CSMD1: variants seen among roughly 807,000 people sequenced by gnomAD.
The protein encoded by CSMD1 is CUB and Sushi multiple domains 1.
CSMD1 carries 213 observed loss-of-function variants against 417.5 expected under a neutral mutation model. The ratio of observed to expected loss-of-function variants is 0.51; its 90% CI spans 0.46 to 0.57. The LOEUF (loss-of-function observed/expected upper bound fraction) is 0.57, where lower values mean the gene tolerates loss of function less well. Ranked by LOEUF, CSMD1 falls within the 20% of genes least tolerant of loss-of-function variation. The pLI is 0.00. For synonymous variants in CSMD1, 2,862 were observed against 1,736.8 expected (o/e 1.65, Z -16.11); for missense variants, 6,923 against 4,529.7 (o/e 1.53, Z -15.17).
chr8:3,840,343 T>C (rs1339745915), intron 5 of CSMD1, among the ~76,000 whole-genome samples: 2 of 152,114 alleles, frequency 1.3e-5, no homozygotes, highest in Admixed American at 6.6e-5. Flanking sequence ...AACAGAAATA[T>C]CCTTGAAAAC....
chr8:4,972,230 AAG>A (rs1342167179), intron 1 of CSMD1, among the ~76,000 whole-genome samples: 5 of 152,054 alleles, frequency 3.3e-5, no homozygotes, highest in Admixed American at 6.6e-5. Flanking sequence ...TGTGTCCTGT[AAG>A]AGTCACAAAA....
chr8:3,548,998 T>C, intron 10 of CSMD1, among the ~76,000 whole-genome samples: 1 of 151,938 alleles, frequency 6.6e-6, no homozygotes, highest in East Asian at 1.9e-4. Flanking sequence ...TATACCTGGG[T>C]TTCCTCACCC....
intron 2 of CSMD1, among the ~76,000 whole-genome samples, chr8:4,445,085 G>A (rs1218297336): frequency 6.6e-6 from 1 of 152,124 alleles, no homozygotes; most frequent in Non-Finnish European, 1.5e-5. Flanking sequence ...TGTTTAACAT[G>A]TTACTTCTCT....
intron 3 of CSMD1, among the ~76,000 whole-genome samples, chr8:4,060,331 G>A (rs938629432): frequency 1.6e-4 from 25 of 152,264 alleles, no homozygotes; most frequent in South Asian, 2.1e-4. Flanking sequence ...ACCCACAGCC[G>A]ATATCATACT....
chr8:4,468,477 A>G (rs1161948114), intron 2 of CSMD1, among the ~76,000 whole-genome samples: 2 of 152,188 alleles, frequency 1.3e-5, no homozygotes, highest in African/African-American at 2.4e-5. Flanking sequence ...CTCTTGATAT[A>G]CCAACTCATT....
chr8:4,161,846 T>A (rs1397224210), intron 3 of CSMD1, among the ~76,000 whole-genome samples: 1 of 152,230 alleles, frequency 6.6e-6, no homozygotes, highest in Non-Finnish European at 1.5e-5. Flanking sequence ...CTGCATTTTT[T>A]TCTTTGCCAT....
chr8:4,739,777 T>G (rs1363357817), intron 1 of CSMD1, among the ~76,000 whole-genome samples: 1 of 152,150 alleles, frequency 6.6e-6, no homozygotes, highest in Admixed American at 6.5e-5. Context: ...AGTCCCTCTC[T>G]TTGGAGTCCT....
rs1175924004 is a variant in CSMD1 at position 3,616,719 on chromosome 8, G to C, written c.1088C>G (p.Ser363Cys). Residue 363 changes from serine to cysteine, a missense_variant, in exon 8 of 70, where the codon TCC (serine) becomes TGC (cysteine). Physicochemically the swap from Ser to Cys is moderately radical, Grantham distance 112. Coordinates refer to ENST00000635120, the MANE Select transcript of CSMD1 (RefSeq NM_033225.6). ...GIPENGRRAG[S>C]DFRVGANVQF... is the part of the protein sequence containing the mutation. ...CTATTGTATCTCTTACCTGAAGTCG[G>C]AACCTGCTCTTCTACCATTTTCTGG... 1.2e-6 allele frequency: 2 copies of C among 1,608,898 alleles called. No individual in the cohort carries two copies. Among genetic ancestry groups the C allele is most frequent in the Admixed American group, 1.7e-5 (1 of 59,860 alleles).
intron 5 of CSMD1, among the ~76,000 whole-genome samples, chr8:3,856,264 C>G (rs1004156829): frequency 1.3e-5 from 2 of 152,050 alleles, no homozygotes; most frequent in African/African-American, 4.8e-5. Flanking sequence ...CTACTTGGCC[C>G]ATGTAAGACA....
At chr8:3,621,626 T>C (rs993504195) in intron 7 of CSMD1, among the ~76,000 whole-genome samples, 44 of 152,074 alleles carry the variant, frequency 2.9e-4, no homozygotes, top group African/African-American at 8.5e-4. Context: ...AGAATCTTGT[T>C]CTGTTGCCCA....
At position 3,493,765 on chromosome 8, in the gene CSMD1, G is replaced by C. The variant is rs75475417; in HGVS notation, c.1345-39C>G. The C allele has an allele frequency of 1.9e-5, 29 of 1,534,404 alleles. No homozygotes were observed. In the South Asian group the frequency reaches 2.5e-4, roughly 13 times the overall value. On this transcript the variant is annotated intron_variant, in intron 10 of 69. Coordinates refer to ENST00000635120, the MANE Select transcript of CSMD1 (RefSeq NM_033225.6). The stretch of plus-strand genomic sequence containing the variant: ...ACGAAACAGTGACTTAGAACAACAG[G>C]TACTTCCCATGACTTTTAATAGGTA...
At chr8:2,957,645 A>G in intron 63 of CSMD1, 51 bp downstream of exon 63, 2 of 1,153,386 alleles carry the variant, frequency 1.7e-6, no homozygotes, top group Non-Finnish European at 2.5e-6. Flanking sequence ...CGTCTCAGAC[A>G]TTCACAATAA....
At chr8:3,638,728 TG>T (rs1797165200) in intron 7 of CSMD1, among the ~76,000 whole-genome samples, 1 of 152,152 alleles carries the variant, frequency 6.6e-6, no homozygotes, top group Non-Finnish European at 1.5e-5. Context: ...GAATACAGAA[TG>T]TAGCTGTGAA....
intron 1 of CSMD1, among the ~76,000 whole-genome samples, chr8:4,685,726 C>T (rs535373089): frequency 6.6e-6 from 1 of 152,132 alleles, no homozygotes; most frequent in African/African-American, 2.4e-5. Context: ...AAATTCTGAA[C>T]ATTCTTTTTA....
At chr8:3,631,767 A>T (rs79781760) in intron 7 of CSMD1, among the ~76,000 whole-genome samples, 1,540 of 152,234 alleles carry the variant, frequency 0.01, 24 homozygotes, top group African/African-American at 0.035. Flanking sequence ...CTCTCAAAGG[A>T]TTTATCTTGA....
intron 1 of CSMD1, among the ~76,000 whole-genome samples, chr8:4,723,954 G>C (rs1809245279): frequency 6.6e-6 from 1 of 152,036 alleles, no homozygotes; most frequent in African/African-American, 2.4e-5. Context: ...GCCTAGATAA[G>C]TGCATCCAAT....
chr8:4,633,493 A>G (rs963822007), intron 2 of CSMD1, among the ~76,000 whole-genome samples: 1 of 151,800 alleles, frequency 6.6e-6, no homozygotes, highest in Admixed American at 6.6e-5. Flanking sequence ...TCGTGATCCA[A>G]CTGCCTCGGC....
At position 4,604,268 on chromosome 8, in the gene CSMD1, G is replaced by A. The variant is rs376753164; in HGVS notation, c.302+33074C>T. Among the ~76,000 whole-genome samples the A allele has an allele frequency of 1.1e-4, 16 of 151,446 alleles. No individual in the cohort carries two copies. The East Asian group carries it at 3.1e-3, about 29-fold the overall frequency. On this transcript the variant is annotated intron_variant, in intron 2 of 69. Coordinates refer to ENST00000635120, the MANE Select transcript of CSMD1 (RefSeq NM_033225.6). ...CTTTTTCATAAATAGTACAAATAAA[G>A]GTACAATAGATATAAGACATTGGTG... is the stretch of plus-strand genomic sequence containing the variant.
intron 6 of CSMD1, among the ~76,000 whole-genome samples, chr8:3,726,094 C>A (rs372723616): frequency 6.6e-6 from 1 of 152,124 alleles, no homozygotes; most frequent in Non-Finnish European, 1.5e-5. Flanking sequence ...AAGCAGCCAC[C>A]GGGAATGCCA....
Sources: allele counts gnomAD v4.1 joint callset (sites outside exome capture counted in the v4.1 genomes callset), GRCh38; gene constraint gnomAD v4.1.1; transcripts MANE v1.5; gene names NCBI Gene and HGNC (gene_info 2026-07-23, HGNC 2026-07-21).